The following B3GALNT2 variants were observed in gnomAD, a reference collection of about 807,000 sequenced individuals.
The protein encoded by B3GALNT2 is beta-1,3-N-acetylgalactosaminyltransferase 2, also known as UDP-GalNAc:beta-1,3-N-acetylgalactosaminyltransferase 2.
A neutral mutation model predicts 61.1 loss-of-function variants in B3GALNT2; 53 were observed. That is an observed-to-expected ratio of 0.87 (90% CI 0.70 to 1.09). B3GALNT2 has a LOEUF of 1.09. Ranked by LOEUF, B3GALNT2 falls within the 50% of genes least tolerant of loss-of-function variation. B3GALNT2 has a pLI of 0.00. For synonymous variants in B3GALNT2, 223 were observed against 237.4 expected (o/e 0.94, Z 0.56); for missense variants, 544 against 623.0 (o/e 0.87, Z 1.35).
intron 7 of B3GALNT2, among the ~76,000 whole-genome samples, chr1:235,459,986 G>A (rs1157758986): frequency 3.9e-5 from 6 of 152,140 alleles, no homozygotes; most frequent in African/African-American, 1.2e-4. Flanking sequence ...TAGAGACGGA[G>A]TTTCACCATG....
At chr1:235,496,475 G>T (rs1004779104) in intron 1 of B3GALNT2, among the ~76,000 whole-genome samples, 1 of 151,510 alleles carries the variant, frequency 6.6e-6, no homozygotes, top group Non-Finnish European at 1.5e-5. Context: ...TTATTGAACA[G>T]TTAATCTGTG....
intron 1 of B3GALNT2, among the ~76,000 whole-genome samples, chr1:235,502,297 G>A (rs1685618288): frequency 6.6e-6 from 1 of 152,222 alleles, no homozygotes; most frequent in South Asian, 2.1e-4. Context: ...ACAGGCGTGA[G>A]GCACCGCGCC....
At position 235,491,346 on chromosome 1, in the gene B3GALNT2, G is replaced by A. The variant is rs189259351; in HGVS notation, c.261-2078C>T. Reference sequence around the variant, plus strand: ...TCTATGAGAATCAACTGGTTTCATGGAATTTACGATAAACAGTATTGTATA... The same window carrying A: ...TCTATGAGAATCAACTGGTTTCATGAAATTTACGATAAACAGTATTGTATA... On this transcript the variant is annotated intron_variant, in intron 2 of 11. Transcript: ENST00000366600. 1.2e-3 allele frequency among the ~76,000 whole-genome samples: 182 copies of A among 152,258 alleles called. 2 individuals are homozygous for A. The highest frequency in any genetic ancestry group is 4.1e-3 in the African/African-American group (169 of 41,546).
At chr1:235,480,998 C>A (rs541215601) in intron 4 of B3GALNT2, among the ~76,000 whole-genome samples, 2 of 147,920 alleles carry the variant, frequency 1.4e-5, no homozygotes, top group East Asian at 4.1e-4. Context: ...CCATTTCTTC[C>A]AGGCAACATT....
chr1:235,484,282 A>G, intron 4 of B3GALNT2, 40 bp downstream of exon 4: 4 of 1,530,428 alleles, frequency 2.6e-6, no homozygotes, highest in Non-Finnish European at 3.5e-6. Context: ...TGTTTTTGAA[A>G]AAGAAAAAAG....
downstream of B3GALNT2, chr1:235,442,832 T>C (rs1681986641): frequency 6.2e-7 from 1 of 1,612,724 alleles, no homozygotes; most frequent in Non-Finnish European, 8.5e-7. Flanking sequence ...AATTAGTCTT[T>C]TTCTTTGTTT....
At position 235,504,433 on chromosome 1, in the gene B3GALNT2, A is replaced by G. The variant is rs1029599631; in HGVS notation, c.-181T>C. On this transcript the variant is annotated 5_prime_UTR_variant, in exon 1 of 12. Transcript: ENST00000366600. Reference sequence around the variant, plus strand: ...CGGCCCCGCTCCTCCGGTCCCTCAGACCGCGGGTGGCCGCGGCTTAGCCGG... The same window carrying G: ...CGGCCCCGCTCCTCCGGTCCCTCAGGCCGCGGGTGGCCGCGGCTTAGCCGG... 2 of 601,374 alleles carry G rather than the reference A, an allele frequency of 3.3e-6. No individual in the cohort carries two copies. The highest frequency in any genetic ancestry group is 5.1e-6 in the Non-Finnish European group (2 of 392,990). 37.3% of individuals were successfully genotyped at this position (601,374 alleles called of 1,614,324 possible).
intron 2 of B3GALNT2, among the ~76,000 whole-genome samples, chr1:235,492,712 C>A (rs544949898): frequency 6.6e-6 from 1 of 152,000 alleles, no homozygotes; most frequent in Non-Finnish European, 1.5e-5. Flanking sequence ...AAAATTAAAG[C>A]CAACTAAGGG....
At position 235,454,233 on chromosome 1, in the gene B3GALNT2, A is replaced by G. The variant is rs1486202893; in HGVS notation, c.1234T>C (p.Cys412Arg). 2.5e-6 allele frequency: 4 copies of G among 1,613,598 alleles called. No individual in the cohort carries two copies. The highest frequency in any genetic ancestry group is 3.4e-6 in the Non-Finnish European group (4 of 1,179,642). ...TTGGAGATCACATATCCTGACCCAC[A>G]TGCAAAGGCAGGGTAAGCGGGGCTC... ...YPSPAYPAFA[C>R]GSGYVISKDI... The change falls in exon 10 of 12, where the codon TGT becomes CGT. Residue 412 changes from cysteine to arginine, a missense_variant. By Grantham distance (180) the Cys-to-Arg change is radical (BLOSUM62 -3). Coordinates refer to ENST00000366600, the MANE Select transcript of B3GALNT2 (RefSeq NM_152490.5).
At chr1:235,462,722 A>T (rs1396705295) in intron 7 of B3GALNT2, among the ~76,000 whole-genome samples, 1 of 152,242 alleles carries the variant, frequency 6.6e-6, no homozygotes, top group East Asian at 1.9e-4. Context: ...TAAGACATGG[A>T]TGTTCAAAGA....
Position 235,504,445 on chromosome 1 carries a change from C to G in B3GALNT2, c.-193G>C, listed in dbSNP as rs1685756936. The G allele has an allele frequency of 7.5e-6, 4 of 533,340 alleles. No homozygotes were observed. In the East Asian group the frequency reaches 1.6e-4, roughly 21 times the overall value. The allele number at this position is 533,340 out of a possible 1,614,324, so 33.0% of individuals were successfully genotyped here. A position where few individuals can be genotyped will look rare whatever the true frequency, so the allele number is the denominator to read the frequency against. ...TCCGGTCCCTCAGACCGCGGGTGGCCGCGGCTTAGCCGGCCGAAGCCCCGC... is the reference window on the plus strand; with the variant it reads ...TCCGGTCCCTCAGACCGCGGGTGGCGGCGGCTTAGCCGGCCGAAGCCCCGC... On this transcript the variant is annotated 5_prime_UTR_variant, in exon 1 of 12. Transcript: ENST00000366600.
At chr1:235,452,599 A>T (rs567774726) in intron 11 of B3GALNT2, among the ~76,000 whole-genome samples, 8 of 150,608 alleles carry the variant, frequency 5.3e-5, no homozygotes, top group Non-Finnish European at 1.0e-4. Flanking sequence ...CCCAGGTGGG[A>T]GTGCAGTGGT....
rs778715712 is a variant in B3GALNT2 at position 235,456,725 on chromosome 1, C to T, written c.1026-1041G>A. 4.1e-4 allele frequency among the ~76,000 whole-genome samples: 63 copies of T among 152,072 alleles called. 1 individual carries two copies. Among genetic ancestry groups the T allele is most frequent in the Non-Finnish European group, 1.2e-4 (8 of 68,018 alleles). On this transcript the variant is annotated intron_variant, in intron 8 of 11. Transcript: ENST00000366600. ...AGGTGGCAGCCAACAATAGCGGCAGCGGAGACTAAGGGAGAGGCTAAGATA... is the reference window on the plus strand; with the variant it reads ...AGGTGGCAGCCAACAATAGCGGCAGTGGAGACTAAGGGAGAGGCTAAGATA...
At position 235,447,683 on chromosome 1, in the gene B3GALNT2, A is replaced by C. The variant is rs575533212; in HGVS notation, c.*2523T>G. On this transcript the variant is annotated 3_prime_UTR_variant, in exon 12 of 12. Transcript: ENST00000366600. ...TTCAGTAATTCATAAGGAAGTCATC[A>C]TAAAGGTTTAAAAAGAAAACGTTAA... Among the ~76,000 whole-genome samples, 3 of 152,354 alleles carry C rather than the reference A, an allele frequency of 2.0e-5. No homozygotes were observed. In the South Asian group the frequency reaches 6.2e-4, roughly 32 times the overall value.
downstream of B3GALNT2, among the ~76,000 whole-genome samples, chr1:235,443,971 G>T (rs996821542): frequency 1.3e-5 from 2 of 152,170 alleles, no homozygotes; most frequent in Non-Finnish European, 2.9e-5. Flanking sequence ...GATTAAACTT[G>T]ATTCATAGCT....
chr1:235,465,416 G>T, intron 7 of B3GALNT2: 1 of 555,796 alleles, frequency 1.8e-6, no homozygotes, highest in Admixed American at 3.6e-5. Flanking sequence ...AGGTAAGAAT[G>T]AGGAGTAACT....
intron 10 of B3GALNT2, 66 bp from the exon 11 acceptor site, chr1:235,453,212 C>T: frequency 2.1e-6 from 3 of 1,432,390 alleles, no homozygotes; most frequent in Non-Finnish European, 2.9e-6. Context: ...AAGACAAAAC[C>T]ATAGCCACTC....
chr1:235,485,392 C>T (rs1187576593), intron 3 of B3GALNT2, among the ~76,000 whole-genome samples: 1 of 152,184 alleles, frequency 6.6e-6, no homozygotes, highest in East Asian at 1.9e-4. Flanking sequence ...TGGCTTATTG[C>T]AGTCTCAACC....
In B3GALNT2 at chr1:235,504,158, G is replaced by A; in HGVS notation, c.95C>T (p.Ser32Phe). 2 of 1,289,052 alleles carry A rather than the reference G, an allele frequency of 1.6e-6. No individual in the cohort carries two copies. Among genetic ancestry groups the A allele is most frequent in the East Asian group, 3.2e-5 (1 of 31,302 alleles). The allele number at this position is 1,289,052 out of a possible 1,614,324, so 79.9% of individuals were successfully genotyped here. ...GACCTCACCTGCAGGGCCGGCCCCG[G>A]AGGCGCAGGCGGGCGGCGGGGAGCG... ...RLRSPPPACA[S>F]GAGPADQLAL... is the part of the protein sequence containing the mutation. The change falls in exon 1 of 12, where the codon TCC (serine) becomes TTC (phenylalanine). Residue 32 changes from serine to phenylalanine, a missense_variant. Coordinates refer to ENST00000366600, the MANE Select transcript of B3GALNT2 (RefSeq NM_152490.5).
Sources: allele counts gnomAD v4.1 joint callset (sites outside exome capture counted in the v4.1 genomes callset), GRCh38; gene constraint gnomAD v4.1.1; transcripts MANE v1.5; gene names NCBI Gene and HGNC (gene_info 2026-07-23, HGNC 2026-07-21).